The following FOXK2 variants were observed in gnomAD, a reference collection of about 807,000 sequenced individuals.
The protein encoded by FOXK2 is forkhead box K2.
In FOXK2, 24 loss-of-function variants were observed where a neutral mutation model predicts 53.3. The observed-to-expected ratio is 0.45, with a 90% CI of 0.33 to 0.63. The LOEUF (loss-of-function observed/expected upper bound fraction) is 0.63. FOXK2 is among the 30% of genes least tolerant of loss of function. The probability of loss-of-function intolerance (pLI) is 0.03; values close to 1 mark genes in which losing one functional copy is unlikely to be tolerated. For missense variants in FOXK2, 952 were observed against 910.5 expected (o/e 1.05, Z -0.59); for synonymous variants, 505 against 407.1 (o/e 1.24, Z -2.89).
intron 1 of FOXK2, among the ~76,000 whole-genome samples, chr17:82,546,643 T>C (rs1257494557): frequency 6.6e-6 from 1 of 151,804 alleles, no homozygotes; most frequent in East Asian, 1.9e-4. Flanking sequence ...TTTCCTTTTT[T>C]TTAAACGGTG....
At chr17:82,581,296 C>T (rs2045056202) in intron 4 of FOXK2, among the ~76,000 whole-genome samples, 1 of 152,310 alleles carries the variant, frequency 6.6e-6, no homozygotes. Context: ...TGTCTGTCAA[C>T]TCTTAGCTGG....
chr17:82,549,075 G>A (rs890253499), intron 1 of FOXK2, among the ~76,000 whole-genome samples: 1 of 152,324 alleles, frequency 6.6e-6, no homozygotes, highest in South Asian at 2.1e-4. Context: ...ATCTTCCTTA[G>A]TCTAAAACAC....
At chr17:82,585,786 G>C (rs1030642039) in intron 6 of FOXK2, 118 bp from the exon 7 acceptor site, 2 of 973,662 alleles carry the variant, frequency 2.1e-6, no homozygotes, top group Non-Finnish European at 3.0e-6. Context: ...GGTGAAATAG[G>C]GCCATATCCT....
chr17:82,553,895 G>A (rs1163699093), intron 1 of FOXK2, among the ~76,000 whole-genome samples: 1 of 151,936 alleles, frequency 6.6e-6, no homozygotes, highest in East Asian at 1.9e-4. Context: ...GGGCAGTGGC[G>A]TGATCTCAGC....
At position 82,520,202 on chromosome 17, in the gene FOXK2, C is replaced by T. The variant is rs1457701520; in HGVS notation, c.314C>T (p.Pro105Leu). 1.5e-6 allele frequency: 2 copies of T among 1,334,962 alleles called. No homozygotes were observed. The allele number at this position is 1,334,962 out of a possible 1,614,324, so 82.7% of individuals were successfully genotyped here. A position where few individuals can be genotyped will look rare whatever the true frequency, so the allele number is the denominator to read the frequency against. The change falls in exon 1 of 9, where the codon CCC becomes CTC. Residue 105 changes from proline (P) to leucine (L), a missense_variant. Around this residue, in one of 5 missense-constraint regions of FOXK2, gnomAD observed 163 missense variants for 165.5 expected, o/e 0.98. Transcript: ENST00000335255. ...APELPPAQPR[P>L]DAGGDFYLRC... is the part of the protein sequence containing the mutation. ...GAGCTGCCGCCCGCGCAGCCCAGGC[C>T]CGACGCCGGCGGCGACTTCTACCTG...
rs891549978 is a variant in FOXK2, at chr17:82,587,151, G to C, written c.1665G>C (p.Gln555His). 1 of 1,613,110 alleles carries C rather than the reference G, an allele frequency of 6.2e-7. No homozygotes were observed. Among genetic ancestry groups the C allele is most frequent in the Non-Finnish European group, 8.5e-7 (1 of 1,180,008 alleles). ...IIQTAQTTPV[Q>H]TVTIVQQAPL... ...AGACGGCACAGACCACCCCGGTCCA[G>C]ACGGTGACCATAGTACAACAGGCAC... Residue 555 changes from glutamine (Q) to histidine (H), a missense_variant, in exon 8 of 9, where the codon CAG becomes CAC. By Grantham distance (24) the Gln-to-His change is conservative (BLOSUM62 0). Coordinates refer to ENST00000335255, the MANE Select transcript of FOXK2 (RefSeq NM_004514.4).
chr17:82,567,470 G>T (rs1242679479), intron 2 of FOXK2, among the ~76,000 whole-genome samples: 1 of 152,020 alleles, frequency 6.6e-6, no homozygotes, highest in Non-Finnish European at 1.5e-5. Flanking sequence ...TGTGTCCCGG[G>T]CGCCCCCAGC....
intron 8 of FOXK2, chr17:82,599,016 CCTCTCGTTGGG>C (rs2045350150): frequency 6.6e-6 from 1 of 152,214 alleles, no homozygotes; most frequent in Non-Finnish European, 1.5e-5. Context: ...TCTCCCCTGC[CCTCTCGTTGGG>C]CTCCAAGCCT....
intron 3 of FOXK2, among the ~76,000 whole-genome samples, chr17:82,571,045 C>A (rs777530114): frequency 6.6e-6 from 1 of 152,092 alleles, no homozygotes; most frequent in Non-Finnish European, 1.5e-5. Context: ...CTGGCCACCC[C>A]TGGTGCTTAT....
intron 1 of FOXK2, among the ~76,000 whole-genome samples, chr17:82,534,671 C>G (rs74368145): frequency 1.3e-5 from 2 of 152,212 alleles, no homozygotes; most frequent in Non-Finnish European, 2.9e-5. Flanking sequence ...ACACTTCAGC[C>G]CATCCAGGTT....
At chr17:82,584,281 C>A in intron 6 of FOXK2, 93 bp downstream of exon 6, 2 of 1,304,642 alleles carry the variant, frequency 1.5e-6, no homozygotes, top group Non-Finnish European at 2.0e-6. Flanking sequence ...GGACTGGAGG[C>A]CTGCCTGTCC....
chr17:82,572,394 C>T (rs552380819), intron 4 of FOXK2, among the ~76,000 whole-genome samples: 2 of 152,216 alleles, frequency 1.3e-5, no homozygotes, highest in Admixed American at 1.3e-4. Context: ...CTGTCTCAGC[C>T]GGGGAGCCCA....
rs1347630629 is a variant in FOXK2, at chr17:82,604,457, G to C, written c.*2958G>C. The C allele has an allele frequency of 6.6e-6, 1 of 152,570 alleles. No homozygotes were observed. Among genetic ancestry groups the C allele is most frequent in the Non-Finnish European group, 1.5e-5 (1 of 68,050 alleles). The allele number at this position is 152,570 out of a possible 1,614,324, so 9.5% of individuals were successfully genotyped here. ...TGTGAGGACTTGGGGTTTCTGTGCT[G>C]TGTGACACAAGGAGATAAGTGACAA... is the stretch of plus-strand genomic sequence containing the variant. On this transcript the variant is annotated 3_prime_UTR_variant, in exon 9 of 9. Coordinates refer to ENST00000335255, the MANE Select transcript of FOXK2 (RefSeq NM_004514.4).
chr17:82,523,009 G>GA (rs2044380887), intron 1 of FOXK2, among the ~76,000 whole-genome samples: 1 of 152,076 alleles, frequency 6.6e-6, no homozygotes, highest in South Asian at 2.1e-4. Context: ...TGGCCAGGAT[G>GA]GTCTTGATCT....
At position 82,563,750 on chromosome 17, in the gene FOXK2, C is replaced by CTTTTTTTTTTTTTTTTTTTTTTT. The variant is rs1567975420; in HGVS notation, c.614+202_614+203insTTTTTTTTTTTTTTTTTTTTTTT. ...GTTCCTGGTTTTTATTTACTCATTC[C>CTTTTTTTTTTTTTTTTTTTTTTT]CTTTTTTTTTTTTTTTTTTGAGAAG... On this transcript the variant is annotated intron_variant, in intron 2 of 8. Coordinates refer to ENST00000335255, the MANE Select transcript of FOXK2 (RefSeq NM_004514.4). Among the ~76,000 whole-genome samples, 4 of 94,616 alleles carry CTTTTTTTTTTTTTTTTTTTTTTT rather than the reference C, an allele frequency of 4.2e-5. 2 individuals are homozygous for CTTTTTTTTTTTTTTTTTTTTTTT. Among genetic ancestry groups the CTTTTTTTTTTTTTTTTTTTTTTT allele is most frequent in the African/African-American group, 9.0e-5 (2 of 22,238 alleles). The allele number at this position is 94,616 out of a possible 152,430, so 62.1% of individuals were successfully genotyped here.
chr17:82,597,573 G>A (rs535285978), intron 8 of FOXK2, among the ~76,000 whole-genome samples: 12 of 152,372 alleles, frequency 7.9e-5, no homozygotes, highest in African/African-American at 2.4e-4. Context: ...GGGTCTCCAC[G>A]TGGCGGAGTA....
intron 7 of FOXK2, among the ~76,000 whole-genome samples, 166 bp downstream of exon 7, chr17:82,586,366 A>G: frequency 8.7e-6 from 1 of 114,834 alleles, no homozygotes; most frequent in Admixed American, 1.3e-4. Flanking sequence ...AGGGGAAAGG[A>G]GGAGAGGGGA....
intron 1 of FOXK2, among the ~76,000 whole-genome samples, chr17:82,520,606 C>T (rs1304971860): frequency 1.3e-5 from 2 of 152,220 alleles, no homozygotes; most frequent in Admixed American, 6.5e-5. Flanking sequence ...TCTGTGCGTG[C>T]GGGGAGTTCA....
chr17:82,588,196 T>C (rs1420378898), intron 8 of FOXK2: 1 of 152,260 alleles, frequency 6.6e-6, no homozygotes, highest in Non-Finnish European at 1.5e-5. Context: ...TTTTTGTTTT[T>C]AAGTAATAGC....
Sources: gnomAD v4.1 joint callset for allele counts (sites outside exome capture counted in the v4.1 genomes callset) on GRCh38, gnomAD v4.1.1 for gene constraint, gnomAD v4.1.1 regional missense constraint, MANE v1.5 for transcripts, NCBI Gene and HGNC (gene_info 2026-07-23, HGNC 2026-07-21) for gene names.